Variants in UMODL1 observed in about 807,000 individuals in gnomAD.
UMODL1 encodes the protein uromodulin-like 1.
UMODL1 carries 128 observed loss-of-function variants against 136.3 expected under a neutral mutation model. That is an observed-to-expected ratio of 0.94 (90% confidence interval 0.81 to 1.09). The LOEUF (loss-of-function observed/expected upper bound fraction) is 1.09. Among genes scored for constraint, UMODL1 ranks in the 50% least tolerant of loss-of-function variants. The pLI, the probability that UMODL1 is intolerant of heterozygous loss-of-function variation, is 0.00. For synonymous variants in UMODL1, 721 were observed against 720.0 expected (o/e 1.00, Z -0.02); for missense variants, 1,766 against 1,725.6 (o/e 1.02, Z -0.41).
upstream of UMODL1, among the ~76,000 whole-genome samples, chr21:42,069,644 A>C (rs2066212466): frequency 6.6e-6 from 1 of 152,184 alleles, no homozygotes. Flanking sequence ...TCATAGGGCA[A>C]TCGTGAAGAT....
intron 15 of UMODL1, 138 bp from the exon 16 acceptor site, chr21:42,120,949 C>T: frequency 8.9e-7 from 1 of 1,119,264 alleles, no homozygotes; most frequent in African/African-American, 1.6e-5. Flanking sequence ...CTTTCCAGAA[C>T]TGGTGAGCTT....
chr21:42,071,375 A>G lies in UMODL1; in HGVS notation c.59A>G (p.Gln20Arg), dbSNP rs771806147. The G allele has an allele frequency of 1.9e-6, 3 of 1,593,900 alleles. No individual in the cohort carries two copies. The South Asian group carries it at 3.4e-5, about 18-fold the overall frequency. The change falls in exon 1 of 23, where the codon CAG (glutamine) becomes CGG (arginine). Residue 20 changes from glutamine (Q) to arginine (R), a missense_variant. By Grantham distance (43) the Gln-to-Arg change is conservative. Coordinates refer to ENST00000408910, the MANE Select transcript of UMODL1 (RefSeq NM_001004416.3). ...LALVSAVGPS[Q>R]ASGFTEKGLS... ...CTGGTCAGTGCTGTGGGCCCAAGCC[A>G]GGCCAGCGGCTTCACAGGTGAGGGG... is the stretch of plus-strand genomic sequence containing the variant.
At chr21:42,139,660 C>T (rs77229675) in intron 22 of UMODL1, among the ~76,000 whole-genome samples, 27,835 of 151,812 alleles carry the variant, frequency 0.18, 2,598 homozygotes, top group South Asian at 0.3. Context: ...CCAGCACCGA[C>T]CCACCAGATG....
intron 22 of UMODL1, among the ~76,000 whole-genome samples, chr21:42,139,264 G>A (rs760037964): frequency 6.6e-6 from 1 of 152,188 alleles, no homozygotes; most frequent in Non-Finnish European, 1.5e-5. Context: ...TGCGGCTTCG[G>A]CTTCTGGGGA....
In UMODL1 at chr21:42,085,516, T is replaced by G. The variant is rs1309045609; in HGVS notation, c.603+104T>G. ...GGGACCTGGGGGTTGGGGAGGGTGA[T>G]GTTCCCCAAATGGCCCCAAATGACT... is the stretch of plus-strand genomic sequence containing the variant. On this transcript the variant is annotated intron_variant, in intron 4 of 22. Coordinates refer to ENST00000408910, the MANE Select transcript of UMODL1 (RefSeq NM_001004416.3). This position sits in a 1 kb window ranked among gnomAD's most constrained non-coding sequence, Gnocchi z 4.5. 1.3e-5 allele frequency: 21 copies of G among 1,556,474 alleles called. No individual in the cohort carries two copies. The highest frequency in any genetic ancestry group is 1.6e-5 in the Non-Finnish European group (18 of 1,144,616).
rs1467576370 is a variant in UMODL1, at chr21:42,127,198, T to C, written c.3486T>C (p.Ser1162=). 6.2e-7 allele frequency: 1 copy of C among 1,614,036 alleles called. No homozygotes were observed. Among genetic ancestry groups the C allele is most frequent in the Non-Finnish European group, 8.5e-7 (1 of 1,180,014 alleles). The part of the protein sequence containing the change: ...VVLTECWATP[S]SNARDPITFS... ...TGACGGAGTGCTGGGCAACCCCGTCTAGCAACGCCCGGGACCCCATCACCT... is the reference window on the plus strand; with the variant it reads ...TGACGGAGTGCTGGGCAACCCCGTCCAGCAACGCCCGGGACCCCATCACCT... Residue 1162 remains serine (S), a synonymous_variant, in exon 19 of 23, where the codon TCT becomes TCC. Transcript: ENST00000408910.
chr21:42,105,448 G>A (rs1405503976), intron 9 of UMODL1, among the ~76,000 whole-genome samples: 1 of 152,212 alleles, frequency 6.6e-6, no homozygotes. Context: ...CAGGGATGTC[G>A]TGGGTAGAAT....
intron 21 of UMODL1, among the ~76,000 whole-genome samples, chr21:42,133,897 TGTTTTGTTTTGTTTTGTTTTGTTTC>T (rs199684623): frequency 0.05 from 7,472 of 150,428 alleles, 302 homozygotes; most frequent in East Asian, 0.23. Context: ...TTTTTTGTTT[TGTTTTGTTTTGTTTTGTTTTGTTTC>T]GTTTTGTTTT....
chr21:42,130,408 A>G (rs220163), intron 21 of UMODL1, among the ~76,000 whole-genome samples: 31,884 of 152,070 alleles, frequency 0.21, 3,557 homozygotes, highest in Admixed American at 0.27. Context: ...TTTATTTTCT[A>G]TATGGTCCAT....
intron 11 of UMODL1, 178 bp from the exon 12 acceptor site, chr21:42,111,328 C>T: frequency 2.7e-6 from 4 of 1,480,304 alleles, no homozygotes; most frequent in Non-Finnish European, 2.7e-6. Flanking sequence ...GCCAGGGGAG[C>T]CCCAGCCAGG....
In UMODL1 at chr21:42,113,647, C is replaced by T; in HGVS notation, c.2179C>T (p.Leu727Phe). ...TGFHLAWEAD[L>F]AMDSTFQLTL... ...CTTCCACCTGGCATGGGAGGCGGAT[C>T]TTGCTATGGACTCCACCTTCCAGCT... is the stretch of plus-strand genomic sequence containing the variant. Residue 727 changes from leucine (L) to phenylalanine (F), a missense_variant, in exon 13 of 23, where the codon CTT becomes TTT. Leu to Phe is a conservative substitution (Grantham distance 22, BLOSUM62 0). Transcript: ENST00000408910. The T allele has an allele frequency of 6.2e-7, 1 of 1,614,110 alleles. No individual in the cohort carries two copies.
intron 17 of UMODL1, among the ~76,000 whole-genome samples, chr21:42,124,688 A>C (rs1422697876): frequency 6.6e-6 from 1 of 152,050 alleles, no homozygotes; most frequent in Non-Finnish European, 1.5e-5. Flanking sequence ...CATTGTCCTC[A>C]TCGGGAGCTA....
At chr21:42,065,818 C>T (rs865961541) in intron 1 of UMODL1, among the ~76,000 whole-genome samples, 2 of 152,124 alleles carry the variant, frequency 1.3e-5, no homozygotes, top group African/African-American at 2.4e-5. Flanking sequence ...AGGAGTGAGC[C>T]ACTGCACTCA....
chr21:42,095,493 C>T (rs974450137), intron 6 of UMODL1, among the ~76,000 whole-genome samples: 29 of 151,650 alleles, frequency 1.9e-4, no homozygotes, highest in African/African-American at 6.6e-4. Flanking sequence ...TATAAATCCC[C>T]CCGATTCTCT....
chr21:42,069,342 T>C (rs888315024), upstream of UMODL1, among the ~76,000 whole-genome samples: 2 of 151,508 alleles, frequency 1.3e-5, no homozygotes, highest in Admixed American at 6.6e-5. Context: ...AAACAGACTG[T>C]TAATTTTGGG....
chr21:42,071,920 C>A (rs992773338), intron 1 of UMODL1, among the ~76,000 whole-genome samples: 3 of 149,676 alleles, frequency 2.0e-5, no homozygotes, highest in African/African-American at 7.3e-5. Context: ...TGGTGGTGCA[C>A]ACTTGTGGTC....
At chr21:42,075,962 G>C in intron 1 of UMODL1, 43 bp from the exon 2 acceptor site, 1 of 1,608,572 alleles carries the variant, frequency 6.2e-7, no homozygotes, top group Non-Finnish European at 8.5e-7. Flanking sequence ...GCACGGATCT[G>C]ATCCTGGTGT....
In UMODL1 at chr21:42,102,221, G is replaced by A. The variant is rs2146477798; in HGVS notation, c.1242G>A (p.Lys414=). 1 of 1,613,898 alleles carries A rather than the reference G, an allele frequency of 6.2e-7. No homozygotes were observed. The highest frequency in any genetic ancestry group is 2.2e-5 in the East Asian group (1 of 44,884). ...IKIVNHNLTE[K]LLNRSSVEYQ... ...TTGTAAACCACAACCTGACGGAGAA[G>A]TTACTCAACCGCAGCAGTGTGGAGT... Residue 414 remains lysine, a synonymous_variant, in exon 8 of 23, where the codon AAG becomes AAA. Transcript: ENST00000408910.
intron 22 of UMODL1, among the ~76,000 whole-genome samples, chr21:42,141,168 C>T (rs967084743): frequency 2.6e-5 from 4 of 152,200 alleles, no homozygotes; most frequent in Non-Finnish European, 5.9e-5. Flanking sequence ...TCAAGCCAAT[C>T]CTCCCAGGTC....
Sources: allele counts gnomAD v4.1 joint callset (sites outside exome capture counted in the v4.1 genomes callset), GRCh38; gene constraint gnomAD v4.1.1; non-coding constraint Gnocchi (gnomAD v3.1); transcripts MANE v1.5; gene names NCBI Gene and HGNC (gene_info 2026-07-23, HGNC 2026-07-21).